The following GRK7 variants were observed in gnomAD, a reference collection of about 807,000 sequenced individuals.
GRK7 encodes the protein G protein-coupled receptor kinase 7.
Under a neutral mutation model 34.1 loss-of-function variants are expected in GRK7, and 24 were observed. That is an observed-to-expected ratio of 0.70 (90% CI 0.51 to 0.99). The LOEUF is 0.99. Ranked by LOEUF, GRK7 falls within the 50% of genes least tolerant of loss-of-function variation. GRK7 has a pLI of 0.00. For synonymous variants in GRK7, 256 were observed against 279.4 expected (o/e 0.92, Z 0.84); for missense variants, 644 against 707.3 (o/e 0.91, Z 1.02).
At chr3:141,776,602 C>A (rs78323634) in intron 2 of GRK7, among the ~76,000 whole-genome samples, 172 of 152,302 alleles carry the variant, frequency 1.1e-3, no homozygotes, top group African/African-American at 3.9e-3. Flanking sequence ...TCGTTTCCAG[C>A]GCAGCGGTGC....
intron 5 of GRK7, among the ~76,000 whole-genome samples, chr3:141,809,180 C>A (rs1176247487): frequency 1.3e-5 from 2 of 151,998 alleles, no homozygotes; most frequent in East Asian, 3.9e-4. Flanking sequence ...CCAGCCTGGG[C>A]AACAGAGCAA....
intron 4 of GRK7, among the ~76,000 whole-genome samples, chr3:141,790,703 A>C (rs1357353705): frequency 6.6e-6 from 1 of 151,876 alleles, no homozygotes; most frequent in African/African-American, 2.4e-5. Flanking sequence ...AGCTGTCATT[A>C]TAGGCACCCA....
the GRK7 span, among the ~76,000 whole-genome samples, chr3:141,753,175 A>G: frequency 7.9e-5 from 12 of 152,202 alleles, no homozygotes; most frequent in Admixed American, 7.2e-4. Flanking sequence ...TCTCAGTAAA[A>G]TACCTTCTCT....
rs575265113 is a variant in GRK7, at chr3:141,769,179, C to A, written c.-215+3441C>A. On this transcript the variant is annotated intron_variant, in intron 1 of 5. Transcript: ENST00000682958. Reference sequence around the variant, plus strand: ...CACCCCAAATTCTGCATGTTCCAAACTGAACACCTTCTTCCAGGTTTTCCC... The same window carrying A: ...CACCCCAAATTCTGCATGTTCCAAAATGAACACCTTCTTCCAGGTTTTCCC... 3.3e-5 allele frequency among the ~76,000 whole-genome samples: 5 copies of A among 152,302 alleles called. No homozygotes were observed. The South Asian group carries it at 1.0e-3, about 32-fold the overall frequency.
chr3:141,786,147 C>T (rs1380582444), intron 4 of GRK7, among the ~76,000 whole-genome samples: 3 of 152,060 alleles, frequency 2.0e-5, no homozygotes, highest in South Asian at 2.1e-4. Context: ...ATTTCATTTT[C>T]CAGCCTCTGT....
chr3:141,757,129 C>CTTTTTTTTTTCTTT, the GRK7 span, among the ~76,000 whole-genome samples: 1 of 101,362 alleles, frequency 9.9e-6, no homozygotes, highest in African/African-American at 4.1e-5. Context: ...AGATCTTCTT[C>CTTTTTTTTTTCTTT]TTTTTTTTTT....
At chr3:141,771,875 G>C (rs1461140948) in intron 1 of GRK7, among the ~76,000 whole-genome samples, 4 of 150,632 alleles carry the variant, frequency 2.7e-5, no homozygotes, top group South Asian at 2.1e-4. Flanking sequence ...AGTAGACACA[G>C]GGTTTCACCA....
intron 1 of GRK7, among the ~76,000 whole-genome samples, chr3:141,770,565 GAA>G (rs59359078): frequency 7.6e-6 from 1 of 131,250 alleles, no homozygotes. Context: ...AAAGAAAAAA[GAA>G]AAAAAAAAAA....
chr3:141,811,569 A>G (rs1711092530), intron 5 of GRK7, among the ~76,000 whole-genome samples: 1 of 152,220 alleles, frequency 6.6e-6, no homozygotes, highest in Admixed American at 6.5e-5. Flanking sequence ...AAAGGCATAT[A>G]AAAAACAGCT....
At chr3:141,810,327 C>CCT (rs775463520) in intron 5 of GRK7, among the ~76,000 whole-genome samples, 2,182 of 22,926 alleles carry the variant, frequency 0.095, 38 homozygotes, top group East Asian at 0.24. Context: ...TTCCTCTCTC[C>CCT]CTCTCTCTCT....
chr3:141,816,742 C>A lies in GRK7; in HGVS notation c.1354C>A (p.His452Asn). The A allele has an allele frequency of 6.5e-7, 1 of 1,541,858 alleles. No individual in the cohort carries two copies. Residue 452 changes from histidine to asparagine, a missense_variant, in exon 6 of 6, where the codon CAT (histidine) becomes AAT (asparagine). Physicochemically the swap from His to Asn is moderately conservative, Grantham distance 68. Transcript: ENST00000682958. The part of the protein sequence containing the change: ...REKSDDPRKH[H>N]FFKTINFPRL... ...AAAGTCTGATGATCCCAGGAAACAT[C>A]ATTTCTTTAAAACGATCAACTTTCC...
At chr3:141,772,193 C>T (rs910546371) in intron 1 of GRK7, among the ~76,000 whole-genome samples, 4 of 152,076 alleles carry the variant, frequency 2.6e-5, no homozygotes, top group Non-Finnish European at 4.4e-5. Flanking sequence ...CTCCCAGGTT[C>T]AAGCAATTCT....
At position 141,778,151 on chromosome 3, in the gene GRK7, C is replaced by A; in HGVS notation, c.-113-21C>A. On this transcript the variant is annotated intron_variant, in intron 2 of 5. Coordinates refer to ENST00000682958, the MANE Select transcript of GRK7 (RefSeq NM_139209.3). The surrounding 1 kb of genome is among the most constrained non-coding windows in gnomAD (Gnocchi z 4.1). ...TTACAAGAGAAACCTCTTTCACACCCTCCACGGGTCCCACCCACAGGCCAC... is the reference window on the plus strand; with the variant it reads ...TTACAAGAGAAACCTCTTTCACACCATCCACGGGTCCCACCCACAGGCCAC... The A allele has an allele frequency of 8.8e-7, 1 of 1,134,690 alleles. No homozygotes were observed. The highest frequency in any genetic ancestry group is 1.3e-6 in the Non-Finnish European group (1 of 798,966). 70.3% of individuals were successfully genotyped at this position (1,134,690 alleles called of 1,614,324 possible).
intron 1 of GRK7, among the ~76,000 whole-genome samples, chr3:141,770,904 C>T (rs1007326465): frequency 2.0e-5 from 3 of 149,840 alleles, no homozygotes; most frequent in African/African-American, 7.4e-5. Flanking sequence ...GTGGGAGGAT[C>T]ACTTGAAACC....
At chr3:141,767,396 G>A (rs906066255) in intron 1 of GRK7, among the ~76,000 whole-genome samples, 1 of 148,556 alleles carries the variant, frequency 6.7e-6, no homozygotes, top group South Asian at 2.1e-4. Flanking sequence ...TTTGTGTTTT[G>A]TTTTTTGTTT....
intron 4 of GRK7, among the ~76,000 whole-genome samples, chr3:141,798,257 C>CCGCT (rs1710915328): frequency 6.6e-6 from 1 of 152,168 alleles, no homozygotes; most frequent in South Asian, 2.1e-4. Context: ...GAAGGACTTC[C>CCGCT]CGCTGCCCCT....
chr3:141,750,966 GT>G, the GRK7 span, among the ~76,000 whole-genome samples: 3 of 152,162 alleles, frequency 2.0e-5, no homozygotes, highest in South Asian at 6.2e-4. Context: ...GAGGCCAGGA[GT>G]TTAAGGCTGT....
chr3:141,752,354 A>T, the GRK7 span, among the ~76,000 whole-genome samples: 5 of 152,306 alleles, frequency 3.3e-5, no homozygotes, highest in East Asian at 9.6e-4. Flanking sequence ...ACATTTGTGG[A>T]TGTCCACAAC....
At chr3:141,804,693 GCT>G (rs1711006582) in intron 4 of GRK7, among the ~76,000 whole-genome samples, 1 of 147,656 alleles carries the variant, frequency 6.8e-6, no homozygotes, top group Non-Finnish European at 1.5e-5. Flanking sequence ...ATACACACAT[GCT>G]CTCATATACA....
Sources: allele counts gnomAD v4.1 joint callset (sites outside exome capture counted in the v4.1 genomes callset), GRCh38; gene constraint gnomAD v4.1.1; non-coding constraint Gnocchi (gnomAD v3.1); transcripts MANE v1.5; gene names NCBI Gene and HGNC (gene_info 2026-07-23, HGNC 2026-07-21).